AGBL3: variants seen among roughly 807,000 people sequenced by gnomAD.
The protein encoded by AGBL3 is AGBL carboxypeptidase 3.
AGBL3 carries 68 observed loss-of-function variants against 94.5 expected under a neutral mutation model. That is an observed-to-expected ratio of 0.72 (90% CI 0.59 to 0.88). The LOEUF (loss-of-function observed/expected upper bound fraction) is 0.88. AGBL3 is among the 40% of genes least tolerant of loss of function. The pLI is 0.00. For synonymous variants in AGBL3, 354 were observed against 370.7 expected (o/e 0.95, Z 0.52); for missense variants, 934 against 1,103.8 (o/e 0.85, Z 2.18).
chr7:135,027,974 T>A (rs965204599), intron 5 of AGBL3, among the ~76,000 whole-genome samples: 2 of 151,670 alleles, frequency 1.3e-5, no homozygotes, highest in African/African-American at 4.8e-5. Context: ...GTCACACAAA[T>A]TTTTTGGTGG....
At chr7:135,071,787 T>C (rs1033394433) in intron 12 of AGBL3, among the ~76,000 whole-genome samples, 2 of 152,136 alleles carry the variant, frequency 1.3e-5, no homozygotes, top group Non-Finnish European at 2.9e-5. Flanking sequence ...ACTTAAATGT[T>C]AGACCTAAAA....
At chr7:135,072,459 G>A (rs1820013241) in intron 12 of AGBL3, among the ~76,000 whole-genome samples, 1 of 152,154 alleles carries the variant, frequency 6.6e-6, no homozygotes, top group Non-Finnish European at 1.5e-5. Flanking sequence ...AAAGACACAT[G>A]CACATGTATG....
chr7:135,000,826 C>T (rs1011502796), intron 4 of AGBL3, among the ~76,000 whole-genome samples: 3 of 152,134 alleles, frequency 2.0e-5, no homozygotes, highest in Middle Eastern at 3.2e-3. Flanking sequence ...TGCTCACAGG[C>T]TTTTTCCATA....
chr7:135,102,782 G>A lies in AGBL3; in HGVS notation c.2111-12598G>A, dbSNP rs147582881. On this transcript the variant is annotated intron_variant, in intron 15 of 16. Coordinates refer to ENST00000436302, the MANE Select transcript of AGBL3 (RefSeq NM_178563.4). ...AGCAAAAAAAAATTAACTCAAAATG[G>A]ATCATAGATCTAAATATCTAAGCTA... Among the ~76,000 whole-genome samples, 199 of 151,970 alleles carry A rather than the reference G, an allele frequency of 1.3e-3. 3 individuals carry two copies. Among genetic ancestry groups the A allele is most frequent in the African/African-American group, 4.7e-3 (197 of 41,494 alleles).
intron 15 of AGBL3, among the ~76,000 whole-genome samples, chr7:135,113,801 C>T (rs1327292439): frequency 6.6e-6 from 1 of 152,136 alleles, no homozygotes; most frequent in African/African-American, 2.4e-5. Flanking sequence ...ATGCCTATTC[C>T]TCTGCAATTC....
chr7:135,022,854 G>C (rs1368799931), intron 5 of AGBL3, among the ~76,000 whole-genome samples: 1 of 152,092 alleles, frequency 6.6e-6, no homozygotes, highest in Non-Finnish European at 1.5e-5. Context: ...TATAATTATT[G>C]TTGTTGGATT....
At chr7:135,056,090 T>G (rs1476485641) in intron 11 of AGBL3, among the ~76,000 whole-genome samples, 1 of 152,122 alleles carries the variant, frequency 6.6e-6, no homozygotes, top group Admixed American at 6.5e-5. Context: ...TTAATTTCCA[T>G]AGCATCAGTA....
intron 2 of AGBL3, among the ~76,000 whole-genome samples, chr7:134,988,581 T>A (rs1809785073): frequency 6.6e-6 from 1 of 152,190 alleles, no homozygotes; most frequent in South Asian, 2.1e-4. Context: ...AAAGCTTACT[T>A]TAGCTATTTA....
chr7:135,021,663 C>CTTT (rs60821704), intron 5 of AGBL3, among the ~76,000 whole-genome samples: 47,223 of 146,596 alleles, frequency 0.32, 8,494 homozygotes, highest in East Asian at 0.79. Flanking sequence ...TTGGGATTTG[C>CTTT]TTTTTTTTTT....
At chr7:135,068,928 GA>G (rs1296676500) in intron 12 of AGBL3, among the ~76,000 whole-genome samples, 4 of 152,090 alleles carry the variant, frequency 2.6e-5, no homozygotes, top group Non-Finnish European at 5.9e-5. Context: ...AATTAAGACA[GA>G]CTGGCAAATT....
intron 15 of AGBL3, among the ~76,000 whole-genome samples, chr7:135,113,992 T>C (rs1344150068): frequency 6.6e-6 from 1 of 152,230 alleles, no homozygotes; most frequent in Non-Finnish European, 1.5e-5. Flanking sequence ...TTTTGTATAA[T>C]GGTCTCAAGG....
At chr7:135,060,441 T>C (rs1338803599) in intron 12 of AGBL3, among the ~76,000 whole-genome samples, 1 of 152,206 alleles carries the variant, frequency 6.6e-6, no homozygotes, top group South Asian at 2.1e-4. Flanking sequence ...CAATTTTCAG[T>C]ATAATACATT....
chr7:135,031,351 C>T (rs1346745429), intron 5 of AGBL3, among the ~76,000 whole-genome samples: 1 of 152,136 alleles, frequency 6.6e-6, no homozygotes, highest in Non-Finnish European at 1.5e-5. Flanking sequence ...CCTCCACCTC[C>T]TGGGTTCAAG....
At chr7:135,064,152 A>AT (rs1819077720) in intron 12 of AGBL3, among the ~76,000 whole-genome samples, 1 of 152,222 alleles carries the variant, frequency 6.6e-6, no homozygotes, top group South Asian at 2.1e-4. Context: ...TAATTATATA[A>AT]TAGTGAACAT....
chr7:135,127,413 T>C (rs996310855), intron 16 of AGBL3, among the ~76,000 whole-genome samples: 9 of 151,836 alleles, frequency 5.9e-5, no homozygotes, highest in African/African-American at 1.7e-4. Context: ...TTAGCCGGGG[T>C]GTGGTGGCGC....
Position 135,059,239 on chromosome 7 carries a change from T to C in AGBL3, c.1908+4T>C, listed in dbSNP as rs1392529017. On this transcript the variant is annotated splice_donor_region_variant and intron_variant, in intron 12 of 16. Transcript: ENST00000436302. ...CCTTCTCAAGTTAACTTCTCAGGTATGACTGAACATTTTTGCTTATATGTG... is the reference window on the plus strand; with the variant it reads ...CCTTCTCAAGTTAACTTCTCAGGTACGACTGAACATTTTTGCTTATATGTG... The C allele has an allele frequency of 6.5e-7, 1 of 1,549,628 alleles. No individual in the cohort carries two copies. Among genetic ancestry groups the C allele is most frequent in the South Asian group, 1.2e-5 (1 of 83,868 alleles).
chr7:135,034,453 C>T lies in AGBL3; in HGVS notation c.862C>T (p.His288Tyr). 6.4e-7 allele frequency: 1 copy of T among 1,551,766 alleles called. No individual in the cohort carries two copies. Among genetic ancestry groups the T allele is most frequent in the East Asian group, 2.4e-5 (1 of 40,932 alleles). ...TCTTACATGGACATTTCAATTTCCA[C>T]ACAACAAAGATACCTGCTACTTTGC... ...FSLTWTFQFP[H>Y]NKDTCYFAHC... The change falls in exon 7 of 17, where the codon CAC (histidine) becomes TAC (tyrosine). Residue 288 changes from histidine to tyrosine, a missense_variant. His to Tyr is a moderately conservative substitution (Grantham distance 83, BLOSUM62 2). Transcript: ENST00000436302.
rs1315997561 is a variant in AGBL3 at position 135,034,436 on chromosome 7, G to T, written c.845G>T (p.Trp282Leu). Residue 282 changes from tryptophan (W) to leucine (L), a missense_variant, in exon 7 of 17, where the codon TGG becomes TTG. Physicochemically the swap from Trp to Leu is moderately conservative, Grantham distance 61. Around this residue, in one of 3 missense-constraint regions of AGBL3, gnomAD observed 488 missense variants for 563.6 expected, o/e 0.87. Transcript: ENST00000436302. ...GGGCGCCATTATTTCTCTCTTACATGGACATTTCAATTTCCACACAACAAA... is the reference window on the plus strand; with the variant it reads ...GGGCGCCATTATTTCTCTCTTACATTGACATTTCAATTTCCACACAACAAA... ...QDGRHYFSLT[W>L]TFQFPHNKDT... 6.4e-7 allele frequency: 1 copy of T among 1,551,636 alleles called. No individual in the cohort carries two copies. Among genetic ancestry groups the T allele is most frequent in the Admixed American group, 2.0e-5 (1 of 50,990 alleles).
At position 135,080,239 on chromosome 7, in the gene AGBL3, C is replaced by T. The variant is rs2116849167; in HGVS notation, c.2017C>T (p.Gln673Ter). The change falls in exon 14 of 17, where the codon CAA (glutamine) becomes TAA (stop). Residue 673 changes from glutamine (Q) to a stop codon, truncating the protein, a stop_gained. Transcript: ENST00000436302. LOFTEE classifies it high-confidence loss of function. Reference sequence around the variant, plus strand: ...AGGGCATTTGCTGCAAAGACACACACAATCAAATTCTGATGTGAAAGGTAA... The same window carrying T: ...AGGGCATTTGCTGCAAAGACACACATAATCAAATTCTGATGTGAAAGGTAA... ...DRGHLLQRHTQSNSDVKDTRP... is the reference protein window; with the variant it reads ...DRGHLLQRHT 6.5e-7 allele frequency: 1 copy of T among 1,549,510 alleles called. No individual in the cohort carries two copies.
Sources: allele counts gnomAD v4.1 joint callset (sites outside exome capture counted in the v4.1 genomes callset), GRCh38; gene constraint gnomAD v4.1.1; regional missense constraint gnomAD v4.1.1; transcripts MANE v1.5; gene names NCBI Gene and HGNC (gene_info 2026-07-23, HGNC 2026-07-21).